Variants in MAML2 observed in about 807,000 individuals in gnomAD.
MAML2 encodes the protein mastermind-like protein 2.
Under a neutral mutation model 96.1 loss-of-function variants are expected in MAML2, and 22 were observed. The ratio of observed to expected loss-of-function variants is 0.23; its 90% CI spans 0.16 to 0.33. The LOEUF (loss-of-function observed/expected upper bound fraction) is 0.33, where lower values mean the gene tolerates loss of function less well. Ranked by LOEUF, MAML2 falls within the 10% of genes least tolerant of loss-of-function variation. MAML2 has a pLI of 1.00. For missense variants in MAML2, 1,367 were observed against 1,392.4 expected (o/e 0.98, Z 0.29); for synonymous variants, 561 against 521.3 (o/e 1.08, Z -1.04).
chr11:95,985,754 T>C (rs1029420630), intron 3 of MAML2, 112 bp from the exon 4 acceptor site: 1 of 655,504 alleles, frequency 1.5e-6, no homozygotes, highest in Non-Finnish European at 2.6e-6. Context: ...TTTGCAATCA[T>C]GGGTTACAAA....
intron 1 of MAML2, among the ~76,000 whole-genome samples, chr11:96,338,824 C>T (rs1313499644): frequency 1.3e-5 from 2 of 152,208 alleles, no homozygotes. Flanking sequence ...CTGACACTCA[C>T]CCTGAACAAA....
intron 1 of MAML2, among the ~76,000 whole-genome samples, chr11:96,305,693 A>T (rs2136001164): frequency 6.6e-6 from 1 of 152,304 alleles, no homozygotes; most frequent in South Asian, 2.1e-4. Flanking sequence ...ACACAAAGGG[A>T]ATTTTTTCTA....
intron 1 of MAML2, among the ~76,000 whole-genome samples, chr11:96,231,237 C>T (rs546117366): frequency 6.6e-5 from 10 of 152,204 alleles, no homozygotes; most frequent in Admixed American, 3.3e-4. Context: ...CTCACAACTC[C>T]GAAAACACTT....
intron 2 of MAML2, among the ~76,000 whole-genome samples, chr11:96,016,777 C>T (rs1247713944): frequency 6.6e-6 from 1 of 152,070 alleles, no homozygotes; most frequent in African/African-American, 2.4e-5. Context: ...TGTTAGTATC[C>T]TAAAGACTAA....
At chr11:96,091,852 G>T in intron 2 of MAML2, 40 bp downstream of exon 2, 11 of 1,584,082 alleles carry the variant, frequency 6.9e-6, no homozygotes, top group Non-Finnish European at 8.6e-6. Flanking sequence ...AAGCTAAATG[G>T]TCTCTGGGAA....
intron 1 of MAML2, among the ~76,000 whole-genome samples, chr11:96,316,663 GC>G: frequency 6.6e-6 from 1 of 152,326 alleles, no homozygotes; most frequent in Non-Finnish European, 1.5e-5. Flanking sequence ...CTACAGGCTT[GC>G]GTAAGGGGCC....
chr11:95,984,883 G>T (rs148333585), intron 4 of MAML2, among the ~76,000 whole-genome samples: 9 of 152,292 alleles, frequency 5.9e-5, no homozygotes, highest in Admixed American at 3.3e-4. Context: ...TGCTGAATAG[G>T]AGAAGGCAGA....
At chr11:96,199,726 C>T (rs185870931) in intron 1 of MAML2, among the ~76,000 whole-genome samples, 2 of 152,256 alleles carry the variant, frequency 1.3e-5, no homozygotes, top group East Asian at 3.9e-4. Context: ...TACGCAGTCT[C>T]GCTAAATCTA....
At chr11:96,119,904 T>A (rs1476020804) in intron 1 of MAML2, among the ~76,000 whole-genome samples, 1 of 151,910 alleles carries the variant, frequency 6.6e-6, no homozygotes, top group Non-Finnish European at 1.5e-5. Flanking sequence ...CACCATTAAG[T>A]CCCTAATGCC....
At chr11:96,007,223 G>A (rs1858197138) in intron 2 of MAML2, among the ~76,000 whole-genome samples, 1 of 150,440 alleles carries the variant, frequency 6.6e-6, no homozygotes, top group Non-Finnish European at 1.5e-5. Flanking sequence ...ATGTTGGCCA[G>A]GATGGTCTTG....
At chr11:96,077,217 C>CT (rs2086943328) in intron 2 of MAML2, among the ~76,000 whole-genome samples, 1 of 38,516 alleles carries the variant, frequency 2.6e-5, no homozygotes, top group African/African-American at 1.2e-4. Flanking sequence ...AACTCTCTCT[C>CT]TCTTTTTTTT....
rs564678550 is a variant in MAML2 at position 96,134,010 on chromosome 11, A to C, written c.514-40493T>G. On this transcript the variant is annotated intron_variant, in intron 1 of 4. Coordinates refer to ENST00000524717, the MANE Select transcript of MAML2 (RefSeq NM_032427.4). Reference sequence around the variant, plus strand: ...CCCTGCCTCATTGAAAAGAAAAAAAAAAGAAAACAGAAAAAAGAAAGAAAG... The same window carrying C: ...CCCTGCCTCATTGAAAAGAAAAAAACAAGAAAACAGAAAAAAGAAAGAAAG... Among the ~76,000 whole-genome samples the C allele has an allele frequency of 3.9e-5, 6 of 152,336 alleles. No homozygotes were observed. The South Asian group carries it at 1.2e-3, about 32-fold the overall frequency.
At chr11:96,035,507 G>C (rs1396275534) in intron 2 of MAML2, among the ~76,000 whole-genome samples, 1 of 152,178 alleles carries the variant, frequency 6.6e-6, no homozygotes, top group Non-Finnish European at 1.5e-5. Context: ...AAGTCATGTA[G>C]AGCAAGAAAT....
At chr11:96,039,728 C>T (rs1269032) in intron 2 of MAML2, among the ~76,000 whole-genome samples, 11 of 152,034 alleles carry the variant, frequency 7.2e-5, no homozygotes, top group African/African-American at 2.2e-4. Context: ...AGGCGGATCA[C>T]GAGGTCAGGA....
intron 1 of MAML2, among the ~76,000 whole-genome samples, chr11:96,118,194 T>C (rs1860276261): frequency 6.6e-6 from 1 of 152,246 alleles, no homozygotes; most frequent in African/African-American, 2.4e-5. Flanking sequence ...AACTACAAGC[T>C]ACTTGCACGA....
chr11:96,092,226 T>A lies in MAML2; in HGVS notation c.1805A>T (p.Gln602Leu). Residue 602 changes from glutamine to leucine, a missense_variant, in exon 2 of 5, where the codon CAG becomes CTG. Physicochemically the swap from Gln to Leu is moderately radical, Grantham distance 113. Coordinates refer to ENST00000524717, the MANE Select transcript of MAML2 (RefSeq NM_032427.4). The surrounding 1 kb of genome is among the most constrained non-coding windows in gnomAD (Gnocchi z 4.1). ...QQQQQQQQQQ[Q>L]QQQQQQQQQQ... ...CTGCTGCTGTTGCTGCTGCTGCTGC[T>A]GCTGCTGCTGCTGCTGCTGCTGCTG... The A allele has an allele frequency of 1.3e-6, 2 of 1,513,936 alleles. No homozygotes were observed. The highest frequency in any genetic ancestry group is 2.5e-5 in the East Asian group (1 of 39,960). The allele number at this position is 1,513,936 out of a possible 1,614,324, so 93.8% of individuals were successfully genotyped here. A position where few individuals can be genotyped will look rare whatever the true frequency, so the allele number is the denominator to read the frequency against.
At chr11:96,005,864 T>C (rs866714777) in intron 2 of MAML2, among the ~76,000 whole-genome samples, 1 of 152,232 alleles carries the variant, frequency 6.6e-6, no homozygotes, top group South Asian at 2.1e-4. Flanking sequence ...CTCCATTCTG[T>C]ACTAAAATAT....
intron 2 of MAML2, among the ~76,000 whole-genome samples, chr11:96,026,366 A>G (rs1216174490): frequency 6.6e-6 from 1 of 152,246 alleles, no homozygotes; most frequent in East Asian, 1.9e-4. Flanking sequence ...GTACATTGAG[A>G]TCATAGGGAC....
At chr11:96,070,899 G>C (rs1485626431) in intron 2 of MAML2, among the ~76,000 whole-genome samples, 2 of 152,234 alleles carry the variant, frequency 1.3e-5, no homozygotes, top group Admixed American at 1.3e-4. Flanking sequence ...TTAATCTCAT[G>C]GGTACTAACT....
Sources: allele counts gnomAD v4.1 joint callset (sites outside exome capture counted in the v4.1 genomes callset), GRCh38; gene constraint gnomAD v4.1.1; non-coding constraint Gnocchi (gnomAD v3.1); transcripts MANE v1.5; gene names NCBI Gene and HGNC (gene_info 2026-07-23, HGNC 2026-07-21).